Variants in GRK5 observed in about 807,000 individuals in gnomAD.
GRK5 encodes g protein-coupled receptor kinase GRK5.
In GRK5, 40 loss-of-function variants were observed where a neutral mutation model predicts 78.4. The ratio of observed to expected loss-of-function variants is 0.51; its 90% CI spans 0.40 to 0.66. GRK5 has a LOEUF of 0.66. Ranked by LOEUF, GRK5 falls within the 30% of genes least tolerant of loss-of-function variation. GRK5 has a pLI of 0.00. For missense variants in GRK5, 598 were observed against 759.9 expected, an observed-to-expected ratio of 0.79 and a Z score of 2.50; for synonymous variants, 289 against 296.8, an observed-to-expected ratio of 0.97 and a Z score of 0.27.
chr10:119,283,105 C>T (rs1849790152), intron 1 of GRK5, among the ~76,000 whole-genome samples: 1 of 151,886 alleles, frequency 6.6e-6, no homozygotes, highest in African/African-American at 2.4e-5. Context: ...TTAAAATGCC[C>T]TAAGAAAGCT....
intron 3 of GRK5, among the ~76,000 whole-genome samples, chr10:119,385,441 T>G (rs1192109441): frequency 6.6e-6 from 1 of 151,812 alleles, no homozygotes; most frequent in African/African-American, 2.4e-5. Context: ...TGACTTAGGT[T>G]TTTCAAGAAT....
At chr10:119,394,055 TTG>T (rs974952938) in intron 3 of GRK5, among the ~76,000 whole-genome samples, 19 of 116,458 alleles carry the variant, frequency 1.6e-4, no homozygotes, top group African/African-American at 3.9e-4. Flanking sequence ...GGGTGTGTGG[TTG>T]TGTGTGTGTG....
At chr10:119,369,914 C>G (rs192056113) in intron 2 of GRK5, among the ~76,000 whole-genome samples, 1 of 152,302 alleles carries the variant, frequency 6.6e-6, no homozygotes, top group Non-Finnish European at 1.5e-5. Context: ...CCTGACCCTC[C>G]GTTTACCCAG....
At chr10:119,369,721 C>T (rs181032899) in intron 2 of GRK5, among the ~76,000 whole-genome samples, 250 of 152,260 alleles carry the variant, frequency 1.6e-3, no homozygotes, top group Middle Eastern at 6.8e-3. Flanking sequence ...CTTTGGTGTC[C>T]CCAGGCTAGC....
At chr10:119,297,094 T>G (rs767332057) in intron 1 of GRK5, among the ~76,000 whole-genome samples, 6 of 152,144 alleles carry the variant, frequency 3.9e-5, no homozygotes, top group Admixed American at 6.5e-5. Flanking sequence ...CATTAAGGGC[T>G]CCCTCCTTCG....
At chr10:119,369,385 C>T (rs75022027) in intron 2 of GRK5, among the ~76,000 whole-genome samples, 2,883 of 152,236 alleles carry the variant, frequency 0.019, 95 homozygotes, top group African/African-American at 0.066. Context: ...CCAGGTGCCC[C>T]GTCCCGGCTC....
chr10:119,214,659 A>G (rs1340308869), intron 1 of GRK5, among the ~76,000 whole-genome samples: 3 of 152,096 alleles, frequency 2.0e-5, no homozygotes, highest in East Asian at 1.9e-4. Context: ...AGCTGGGACT[A>G]TAGGCTCGTG....
At chr10:119,395,603 AGAAAGGGCCGCTTACT>A (rs1301832347) in intron 3 of GRK5, among the ~76,000 whole-genome samples, 1 of 152,216 alleles carries the variant, frequency 6.6e-6, no homozygotes, top group Non-Finnish European at 1.5e-5. Flanking sequence ...TGTCTAAATG[AGAAAGGGCCGCTTACT>A]CAGGCTTTTT....
intron 10 of GRK5, 32 bp from the exon 11 acceptor site, chr10:119,441,967 C>G: frequency 6.3e-7 from 1 of 1,583,172 alleles, no homozygotes; most frequent in Non-Finnish European, 8.7e-7. Flanking sequence ...GCGGCTGTCC[C>G]AGGGACCCAC....
At chr10:119,415,504 A>G (rs1852432469) in intron 4 of GRK5, among the ~76,000 whole-genome samples, 1 of 152,198 alleles carries the variant, frequency 6.6e-6, no homozygotes, top group African/African-American at 2.4e-5. Flanking sequence ...TTTGGGGACC[A>G]TTGTGTCAAA....
Position 119,262,394 on chromosome 10 carries a change from A to G in GRK5, c.52+54425A>G, listed in dbSNP as rs1849426191. Reference sequence around the variant, plus strand: ...CCCTCTGTTGCCCAGGCTGGAGTGCAGTGGCGTGATCTCGGCTCAGCACAA... The same window carrying G: ...CCCTCTGTTGCCCAGGCTGGAGTGCGGTGGCGTGATCTCGGCTCAGCACAA... On this transcript the variant is annotated intron_variant, in intron 1 of 15. Coordinates refer to ENST00000392870, the MANE Select transcript of GRK5 (RefSeq NM_005308.3). Among the ~76,000 whole-genome samples, 3 of 122,710 alleles carry G rather than the reference A, an allele frequency of 2.4e-5. No homozygotes were observed. In the Admixed American group the frequency reaches 3.4e-4, roughly 14 times the overall value. The allele number at this position is 122,710 out of a possible 152,430, so 80.5% of individuals were successfully genotyped here.
At chr10:119,315,051 C>A (rs1270122844) in intron 1 of GRK5, among the ~76,000 whole-genome samples, 1 of 152,210 alleles carries the variant, frequency 6.6e-6, no homozygotes, top group Admixed American at 6.5e-5. Context: ...TTATGGGGAT[C>A]TTCAAGAAAA....
intron 1 of GRK5, among the ~76,000 whole-genome samples, chr10:119,219,669 C>T (rs1210916380): frequency 6.6e-6 from 1 of 152,154 alleles, no homozygotes; most frequent in African/African-American, 2.4e-5. Context: ...AAATGTTTTC[C>T]AAATGTTTGT....
At chr10:119,341,113 T>A (rs1302987834) in intron 2 of GRK5, among the ~76,000 whole-genome samples, 1 of 152,086 alleles carries the variant, frequency 6.6e-6, no homozygotes, top group Non-Finnish European at 1.5e-5. Context: ...CCACAGTATC[T>A]CCTAGTCTGC....
chr10:119,215,136 C>T (rs550272140), intron 1 of GRK5, among the ~76,000 whole-genome samples: 13 of 152,312 alleles, frequency 8.5e-5, no homozygotes, highest in African/African-American at 2.6e-4. Flanking sequence ...CTCTGTTCAA[C>T]GTAGTAGCCA....
At chr10:119,212,439 T>C (rs1018966209) in intron 1 of GRK5, among the ~76,000 whole-genome samples, 4 of 152,184 alleles carry the variant, frequency 2.6e-5, no homozygotes, top group African/African-American at 7.2e-5. Flanking sequence ...ATAACTCTTA[T>C]AGTGGCTTGC....
intron 12 of GRK5, 70 bp downstream of exon 12, chr10:119,443,822 TC>T: frequency 7.5e-7 from 1 of 1,324,892 alleles, no homozygotes. Flanking sequence ...CCCCAGTCTG[TC>T]CCCAGAACAG....
intron 3 of GRK5, among the ~76,000 whole-genome samples, chr10:119,395,280 G>A (rs575198964): frequency 6.6e-6 from 1 of 152,350 alleles, no homozygotes; most frequent in Non-Finnish European, 1.5e-5. Flanking sequence ...AAGAGAGAGG[G>A]CAAGACAAGG....
At chr10:119,241,560 A>G (rs530717296) in intron 1 of GRK5, among the ~76,000 whole-genome samples, 4 of 152,302 alleles carry the variant, frequency 2.6e-5, no homozygotes, top group Non-Finnish European at 4.4e-5. Context: ...GTAGTGTTGT[A>G]TATAATTGTG....
Sources: allele counts gnomAD v4.1 joint callset (sites outside exome capture counted in the v4.1 genomes callset), GRCh38; gene constraint gnomAD v4.1.1; transcripts MANE v1.5; gene names NCBI Gene and HGNC (gene_info 2026-07-23, HGNC 2026-07-21).